Variants in EYS observed in about 807,000 individuals in gnomAD.
EYS encodes the protein protein eyes shut homolog.
EYS carries 250 observed loss-of-function variants against 282.1 expected under a neutral mutation model. That is an observed-to-expected ratio of 0.89 (90% CI 0.80 to 0.98). The LOEUF (loss-of-function observed/expected upper bound fraction) is 0.98. Among genes scored for constraint, EYS ranks in the 50% least tolerant of loss-of-function variants. The pLI, the probability that EYS is intolerant of heterozygous loss-of-function variation, is 0.00. For missense variants in EYS, 4,016 were observed against 3,709.0 expected (o/e 1.08, Z -2.15); for synonymous variants, 1,355 against 1,282.9 (o/e 1.06, Z -1.20).
Position 64,306,974 on chromosome 6 carries a change from A to T in EYS, c.6187T>A (p.Cys2063Ser). 6.9e-7 allele frequency: 1 copy of T among 1,443,544 alleles called. No homozygotes were observed. The highest frequency in any genetic ancestry group is 9.5e-7 in the Non-Finnish European group (1 of 1,051,424). The allele number at this position is 1,443,544 out of a possible 1,614,324, so 89.4% of individuals were successfully genotyped here. A position where few individuals can be genotyped will look rare whatever the true frequency, so the allele number is the denominator to read the frequency against. The change falls in exon 30 of 43, where the codon TGC (cysteine) becomes AGC (serine). Residue 2063 changes from cysteine (C) to serine (S), a missense_variant. Coordinates refer to ENST00000503581, the MANE Select transcript of EYS (RefSeq NM_001142800.2). ...KAVKNYHINN[C>S]RSQGFMLSPT... is the part of the protein sequence containing the mutation. ...AAATCACTACTGCTATTTTACCTGC[A>T]ATTGTTAATGTGATAGTTTTTCACT...
intron 33 of EYS, among the ~76,000 whole-genome samples, chr6:64,018,758 T>C (rs1368652301): frequency 7.8e-5 from 10 of 127,974 alleles, no homozygotes; most frequent in Non-Finnish European, 1.6e-4. Flanking sequence ...TCATCACAAG[T>C]GTTTTTTTTT....
intron 22 of EYS, among the ~76,000 whole-genome samples, chr6:64,810,475 T>C (rs1474581797): frequency 6.6e-6 from 1 of 151,978 alleles, no homozygotes; most frequent in Non-Finnish European, 1.5e-5. Context: ...AATTTACACT[T>C]CACCAAGTTA....
intron 26 of EYS, among the ~76,000 whole-genome samples, chr6:64,484,089 T>A (rs1374822531): frequency 1.3e-5 from 2 of 151,622 alleles, no homozygotes. Flanking sequence ...TTAGACTGAG[T>A]GAAAATCACA....
intron 14 of EYS, among the ~76,000 whole-genome samples, chr6:64,985,708 C>A (rs1770837159): frequency 6.6e-6 from 1 of 151,454 alleles, no homozygotes; most frequent in Admixed American, 6.6e-5. Flanking sequence ...AAAACTGATT[C>A]TTTTACTATA....
intron 5 of EYS, among the ~76,000 whole-genome samples, chr6:65,484,813 A>G (rs752415906): frequency 1.2e-4 from 18 of 152,216 alleles, no homozygotes; most frequent in Middle Eastern, 3.2e-3. Flanking sequence ...GGTACAAAAC[A>G]GTGGTCAGTA....
chr6:65,179,494 C>T (rs1765316844), intron 12 of EYS, among the ~76,000 whole-genome samples: 1 of 152,102 alleles, frequency 6.6e-6, no homozygotes, highest in Non-Finnish European at 1.5e-5. Context: ...CATACATCCT[C>T]TCAAGACTAA....
chr6:63,890,737 A>G lies in EYS; in HGVS notation c.7056-26379T>C, dbSNP rs373725932. Among the ~76,000 whole-genome samples, 73 of 152,338 alleles carry G rather than the reference A, an allele frequency of 4.8e-4. 1 individual carries two copies. The South Asian group carries it at 0.014, about 30-fold the overall frequency. On this transcript the variant is annotated intron_variant, in intron 35 of 42. Transcript: ENST00000503581. Reference sequence around the variant, plus strand: ...AAAAGCTAGCAGAAGACAAGAAATAACTAAGATCAGAGCAGAACTTGAAGG... The same window carrying G: ...AAAAGCTAGCAGAAGACAAGAAATAGCTAAGATCAGAGCAGAACTTGAAGG...
intron 35 of EYS, among the ~76,000 whole-genome samples, chr6:63,868,115 C>A (rs942432926): frequency 1.3e-5 from 2 of 152,092 alleles, no homozygotes; most frequent in Non-Finnish European, 2.9e-5. Context: ...CAGTCTACTG[C>A]ATGTGCATTA....
At chr6:64,212,766 C>A (rs912032701) in intron 31 of EYS, among the ~76,000 whole-genome samples, 1 of 151,994 alleles carries the variant, frequency 6.6e-6, no homozygotes, top group African/African-American at 2.4e-5. Flanking sequence ...TGGGTATATA[C>A]CCAAAAGAAT....
chr6:65,328,123 G>C (rs1769676067), intron 11 of EYS, among the ~76,000 whole-genome samples: 1 of 151,308 alleles, frequency 6.6e-6, no homozygotes, highest in African/African-American at 2.4e-5. Flanking sequence ...AAAAACGTTT[G>C]CTTTGCCTGA....
chr6:64,705,843 G>C (rs1583062429), intron 22 of EYS, among the ~76,000 whole-genome samples: 1 of 110,526 alleles, frequency 9.0e-6, no homozygotes, highest in Non-Finnish European at 1.9e-5. Flanking sequence ...GGGAGGGAGG[G>C]GGGAGGGGGG....
At chr6:64,245,717 T>C (rs1260246435) in intron 30 of EYS, among the ~76,000 whole-genome samples, 1 of 152,132 alleles carries the variant, frequency 6.6e-6, no homozygotes, top group African/African-American at 2.4e-5. Context: ...TGGAACTTTA[T>C]CTGTGAGAAA....
chr6:63,753,535 A>G (rs1466617145), intron 41 of EYS, among the ~76,000 whole-genome samples: 2 of 152,160 alleles, frequency 1.3e-5, no homozygotes, highest in Non-Finnish European at 1.5e-5. Context: ...ACATAGTGGC[A>G]GGAGAGAGAA....
chr6:63,838,116 A>G (rs1449460171), intron 36 of EYS, among the ~76,000 whole-genome samples: 4 of 152,148 alleles, frequency 2.6e-5, no homozygotes, highest in Admixed American at 2.0e-4. Context: ...GATTTCAAGT[A>G]ATGTTTACAT....
chr6:65,203,537 G>A (rs576044777), intron 12 of EYS, among the ~76,000 whole-genome samples: 1 of 152,206 alleles, frequency 6.6e-6, no homozygotes, highest in East Asian at 1.9e-4. Context: ...GACTCTACCT[G>A]ACATGTGCAA....
intron 35 of EYS, among the ~76,000 whole-genome samples, chr6:63,960,898 G>A (rs1297947616): frequency 6.6e-6 from 1 of 152,002 alleles, no homozygotes; most frequent in East Asian, 1.9e-4. Context: ...TTGTCATACT[G>A]GATTTATTGC....
At chr6:65,576,742 T>A (rs1327044291) in intron 2 of EYS, among the ~76,000 whole-genome samples, 1 of 151,774 alleles carries the variant, frequency 6.6e-6, no homozygotes. Flanking sequence ...GGATACAAAA[T>A]CAACATACAA....
chr6:64,349,359 C>T (rs1771531099), intron 29 of EYS, among the ~76,000 whole-genome samples: 1 of 151,006 alleles, frequency 6.6e-6, no homozygotes, highest in Non-Finnish European at 1.5e-5. Flanking sequence ...TTAAGAGGTG[C>T]TAATTGTATC....
chr6:64,993,259 T>C (rs1024269661), intron 14 of EYS, among the ~76,000 whole-genome samples: 1 of 151,956 alleles, frequency 6.6e-6, no homozygotes, highest in Admixed American at 6.6e-5. Flanking sequence ...AAGTCTTTGC[T>C]ATTGTGAATA....
Sources: allele counts gnomAD v4.1 joint callset (sites outside exome capture counted in the v4.1 genomes callset), GRCh38; gene constraint gnomAD v4.1.1; transcripts MANE v1.5; gene names NCBI Gene and HGNC (gene_info 2026-07-23, HGNC 2026-07-21).